The following CUL5 variants were observed in gnomAD, a reference collection of about 807,000 sequenced individuals.
CUL5 encodes cullin-5.
CUL5 carries 26 observed loss-of-function variants against 108.8 expected under a neutral mutation model. The ratio of observed to expected loss-of-function variants is 0.24; its 90% CI spans 0.18 to 0.33. The LOEUF (loss-of-function observed/expected upper bound fraction) is 0.33, where lower values mean the gene tolerates loss of function less well. CUL5 is among the 10% of genes least tolerant of loss of function. CUL5 has a pLI of 1.00. For missense variants in CUL5, 524 were observed against 909.2 expected (o/e 0.58, Z 5.45); for synonymous variants, 334 against 298.0 (o/e 1.12, Z -1.25).
chr11:108,062,922 C>T (rs1450917269), intron 7 of CUL5, among the ~76,000 whole-genome samples: 6 of 152,084 alleles, frequency 3.9e-5, no homozygotes, highest in Admixed American at 2.0e-4. Flanking sequence ...CTCAGCTCAC[C>T]GCAACCTCCG....
chr11:108,077,485 C>T (rs1452356488), intron 10 of CUL5, among the ~76,000 whole-genome samples: 5 of 152,122 alleles, frequency 3.3e-5, no homozygotes, highest in African/African-American at 1.2e-4. Flanking sequence ...CAAAAATTAG[C>T]CAGGCACGGT....
intron 7 of CUL5, among the ~76,000 whole-genome samples, chr11:108,064,266 C>T (rs1466004895): frequency 6.6e-6 from 1 of 152,182 alleles, no homozygotes; most frequent in African/African-American, 2.4e-5. Context: ...GCTTTTTCAG[C>T]ATCAATTGAA....
At position 108,033,846 on chromosome 11, in the gene CUL5, C is replaced by T; in HGVS notation, c.69C>T (p.Arg23=). The change falls in exon 2 of 19, where the codon CGC becomes CGT. Residue 23 remains arginine (R), a synonymous_variant. Coordinates refer to ENST00000393094, the MANE Select transcript of CUL5 (RefSeq NM_003478.6). ...TTGAAGACAAATGGGATTTTATGCG[C>T]CCGATTGTTTTGAAGCTTTTACGCC... ...LQFEDKWDFM[R]PIVLKLLRQE... 6.2e-7 allele frequency: 1 copy of T among 1,612,814 alleles called. No homozygotes were observed.
At chr11:108,067,123 C>G (rs965221622) in intron 7 of CUL5, among the ~76,000 whole-genome samples, 3 of 152,222 alleles carry the variant, frequency 2.0e-5, no homozygotes, top group Non-Finnish European at 4.4e-5. Context: ...TGTGGCTACT[C>G]TCAGTCTATG....
chr11:108,106,022 G>T lies in CUL5; in HGVS notation c.*1638G>T, dbSNP rs1565275069. 6.6e-6 allele frequency: 1 copy of T among 152,032 alleles called. No homozygotes were observed. The highest frequency in any genetic ancestry group is 1.9e-4 in the East Asian group (1 of 5,202). 9.4% of individuals were successfully genotyped at this position (152,032 alleles called of 1,614,324 possible). ...CCTGTTCTGAAACTTATAGGAAATT[G>T]GAATTTTGTTTAAAATTTTACACTT... On this transcript the variant is annotated 3_prime_UTR_variant, in exon 19 of 19. Coordinates refer to ENST00000393094, the MANE Select transcript of CUL5 (RefSeq NM_003478.6).
intron 7 of CUL5, among the ~76,000 whole-genome samples, chr11:108,061,775 G>C (rs1173293581): frequency 6.6e-6 from 1 of 152,152 alleles, no homozygotes; most frequent in Non-Finnish European, 1.5e-5. Flanking sequence ...CTGAGACTGA[G>C]TAATTTGTAA....
chr11:108,082,140 A>C (rs867148629), intron 11 of CUL5, among the ~76,000 whole-genome samples: 1 of 152,132 alleles, frequency 6.6e-6, no homozygotes, highest in South Asian at 2.1e-4. Flanking sequence ...AGTCTTCCAC[A>C]TTCTTGGTTA....
intron 7 of CUL5, among the ~76,000 whole-genome samples, chr11:108,065,127 A>G (rs1429498959): frequency 6.6e-6 from 1 of 151,796 alleles, no homozygotes; most frequent in African/African-American, 2.4e-5. Context: ...CTGGGTTCAC[A>G]CCATTTTCCT....
chr11:108,093,146 A>G (rs1172212496), intron 13 of CUL5, among the ~76,000 whole-genome samples: 1 of 152,252 alleles, frequency 6.6e-6, no homozygotes, highest in Non-Finnish European at 1.5e-5. Flanking sequence ...TATGGTAGAT[A>G]AATTATCTGA....
At chr11:108,026,119 C>T (rs1490589170) in intron 1 of CUL5, among the ~76,000 whole-genome samples, 2 of 152,150 alleles carry the variant, frequency 1.3e-5, no homozygotes, top group African/African-American at 4.8e-5. Context: ...TCTTCTCAAT[C>T]ATTATAGTTG....
intron 1 of CUL5, among the ~76,000 whole-genome samples, chr11:108,013,131 G>A (rs186803591): frequency 8.5e-5 from 13 of 152,098 alleles, no homozygotes; most frequent in African/African-American, 2.9e-4. Flanking sequence ...CTCTTTTCTG[G>A]TATTATTGCT....
At chr11:108,098,935 C>A (rs1864569733) in intron 18 of CUL5, among the ~76,000 whole-genome samples, 1 of 151,110 alleles carries the variant, frequency 6.6e-6, no homozygotes, top group Admixed American at 6.6e-5. Flanking sequence ...TAGAAATAGT[C>A]CTTTTAAAAC....
intron 1 of CUL5, among the ~76,000 whole-genome samples, chr11:108,014,269 A>G (rs952516028): frequency 6.6e-6 from 1 of 152,128 alleles, no homozygotes. Flanking sequence ...TCTAGGCTAG[A>G]TCAGTGTGGC....
chr11:108,057,369 G>A (rs1198425354), intron 7 of CUL5, among the ~76,000 whole-genome samples: 1 of 152,124 alleles, frequency 6.6e-6, no homozygotes, highest in Non-Finnish European at 1.5e-5. Context: ...TATTTGCATA[G>A]TTTCAAAGTA....
intron 7 of CUL5, among the ~76,000 whole-genome samples, chr11:108,058,054 C>T (rs1207988684): frequency 6.6e-6 from 1 of 151,314 alleles, no homozygotes; most frequent in East Asian, 2.0e-4. Flanking sequence ...ACTAAAAATA[C>T]AAAAATTAGC....
chr11:108,047,796 T>A (rs2135123198), intron 3 of CUL5, among the ~76,000 whole-genome samples: 1 of 152,332 alleles, frequency 6.6e-6, no homozygotes, highest in Non-Finnish European at 1.5e-5. Flanking sequence ...ATGTACCACG[T>A]TTTCTTTTTA....
In CUL5 at chr11:108,052,776, G is replaced by A. The variant is rs149575444; in HGVS notation, c.528G>A (p.Leu176=). ...TGGGAGAAGCTTTTGATTCTCAGCT[G>A]GTTATTGGAGTAAGAGAATCCTATG... ...ERLGEAFDSQ[L]VIGVRESYVN... The change falls in exon 5 of 19, where the codon CTG becomes CTA. Residue 176 remains leucine (L), a synonymous_variant. Coordinates refer to ENST00000393094, the MANE Select transcript of CUL5 (RefSeq NM_003478.6). 5.0e-6 allele frequency: 8 copies of A among 1,613,450 alleles called. No individual in the cohort carries two copies. The highest frequency in any genetic ancestry group is 2.2e-5 in the East Asian group (1 of 44,810).
chr11:108,072,185 A>G, intron 8 of CUL5, 147 bp from the exon 9 acceptor site: 1 of 598,070 alleles, frequency 1.7e-6, no homozygotes, highest in South Asian at 3.1e-5. Context: ...TCTCAAAAAC[A>G]AAAAAACAAC....
intron 11 of CUL5, among the ~76,000 whole-genome samples, chr11:108,080,359 G>A (rs962539442): frequency 6.6e-6 from 1 of 152,096 alleles, no homozygotes; most frequent in South Asian, 2.1e-4. Context: ...AAAGTGTTGA[G>A]CTTACAGGCA....
Sources: gnomAD v4.1 joint callset for allele counts (sites outside exome capture counted in the v4.1 genomes callset) on GRCh38, gnomAD v4.1.1 for gene constraint, MANE v1.5 for transcripts, NCBI Gene and HGNC (gene_info 2026-07-23, HGNC 2026-07-21) for gene names.